NLGN1: variants seen among roughly 807,000 people sequenced by gnomAD.
NLGN1 encodes the protein neuroligin-1.
Under a neutral mutation model 65.5 loss-of-function variants are expected in NLGN1, and 12 were observed. The ratio of observed to expected loss-of-function variants is 0.18; its 90% CI spans 0.12 to 0.30. NLGN1 has a LOEUF of 0.30. Among genes scored for constraint, NLGN1 ranks in the 10% least tolerant of loss-of-function variants. NLGN1 has a pLI of 1.00. For missense variants in NLGN1, 750 were observed against 1,007.1 expected (o/e 0.74, Z 3.46); for synonymous variants, 350 against 359.5 (o/e 0.97, Z 0.30).
At chr3:174,273,490 A>G (rs1170358727) in intron 4 of NLGN1, among the ~76,000 whole-genome samples, 1 of 151,740 alleles carries the variant, frequency 6.6e-6, no homozygotes, top group Non-Finnish European at 1.5e-5. Context: ...GATAGCAAAT[A>G]GAGTTAAAAG....
At chr3:173,905,579 A>C (rs972141710) in intron 4 of NLGN1, among the ~76,000 whole-genome samples, 1 of 152,154 alleles carries the variant, frequency 6.6e-6, no homozygotes, top group African/African-American at 2.4e-5. Flanking sequence ...TTGAGCATAC[A>C]CTGGCCTGTT....
chr3:174,022,025 T>C (rs566160368), intron 4 of NLGN1, among the ~76,000 whole-genome samples: 1 of 152,230 alleles, frequency 6.6e-6, no homozygotes, highest in South Asian at 2.1e-4. Flanking sequence ...TTCTCCCTGC[T>C]CCAGGCTGTG....
At chr3:173,891,693 G>C (rs1272140161) in intron 4 of NLGN1, among the ~76,000 whole-genome samples, 1 of 152,094 alleles carries the variant, frequency 6.6e-6, no homozygotes, top group African/African-American at 2.4e-5. Flanking sequence ...GGATATGAGC[G>C]GCCACTGCTG....
intron 4 of NLGN1, among the ~76,000 whole-genome samples, chr3:173,906,666 C>A (rs1475972220): frequency 6.6e-6 from 1 of 151,860 alleles, no homozygotes; most frequent in African/African-American, 2.4e-5. Flanking sequence ...TATTTCTTTC[C>A]CTTCTGTGTC....
chr3:173,771,005 C>T (rs926976310), intron 3 of NLGN1, among the ~76,000 whole-genome samples: 1 of 152,166 alleles, frequency 6.6e-6, no homozygotes, highest in African/African-American at 2.4e-5. Context: ...CCTCAGCTGG[C>T]AGCGTTCTTT....
chr3:174,043,827 G>A (rs1560908970), intron 4 of NLGN1, among the ~76,000 whole-genome samples: 1 of 152,194 alleles, frequency 6.6e-6, no homozygotes, highest in Non-Finnish European at 1.5e-5. Context: ...TCCCCAGTGG[G>A]GACGCTGTGT....
At chr3:173,807,490 A>G (rs1480239316) in intron 3 of NLGN1, among the ~76,000 whole-genome samples, 190 bp from the exon 4 acceptor site, 1 of 152,174 alleles carries the variant, frequency 6.6e-6, no homozygotes, top group Non-Finnish European at 1.5e-5. Context: ...GATAGAAAAC[A>G]ATGGATGCCT....
At chr3:173,721,977 C>T (rs999778559) in intron 3 of NLGN1, among the ~76,000 whole-genome samples, 9 of 150,496 alleles carry the variant, frequency 6.0e-5, no homozygotes, top group Admixed American at 2.6e-4. Flanking sequence ...AACGGAGTTA[C>T]GTATTCAATT....
At chr3:173,904,807 T>A (rs1738065512) in intron 4 of NLGN1, among the ~76,000 whole-genome samples, 1 of 152,128 alleles carries the variant, frequency 6.6e-6, no homozygotes, top group South Asian at 2.1e-4. Context: ...TGACAGAAAA[T>A]GCCAACAGAT....
intron 4 of NLGN1, among the ~76,000 whole-genome samples, chr3:173,978,961 T>C (rs768868974): frequency 2.0e-5 from 3 of 151,428 alleles, no homozygotes; most frequent in Non-Finnish European, 4.4e-5. Flanking sequence ...GCCAAGATCA[T>C]GCTACCACAC....
intron 3 of NLGN1, among the ~76,000 whole-genome samples, chr3:173,764,239 G>T (rs1450547981): frequency 6.6e-6 from 1 of 152,104 alleles, no homozygotes; most frequent in East Asian, 1.9e-4. Flanking sequence ...CTGGAATGTG[G>T]TCTCCAGGAA....
At chr3:173,536,508 T>C (rs536138791) in intron 2 of NLGN1, among the ~76,000 whole-genome samples, 1 of 152,342 alleles carries the variant, frequency 6.6e-6, no homozygotes, top group East Asian at 1.9e-4. Context: ...ACTATCTAAA[T>C]TGGAGTATCT....
chr3:174,284,904 A>G (rs1018279158), exon 7 of NLGN1: 1 of 151,364 alleles, frequency 6.6e-6, no homozygotes, highest in Non-Finnish European at 1.5e-5. Context: ...CCTGATCTGT[A>G]TGTGAAAACA....
chr3:173,947,164 C>G (rs992894303), intron 4 of NLGN1, among the ~76,000 whole-genome samples: 1 of 147,712 alleles, frequency 6.8e-6, no homozygotes, highest in African/African-American at 2.5e-5. Flanking sequence ...CGGGTTCAAA[C>G]GATTCTTGCC....
At chr3:174,025,444 T>C (rs943699058) in intron 4 of NLGN1, among the ~76,000 whole-genome samples, 10 of 152,140 alleles carry the variant, frequency 6.6e-5, no homozygotes, top group African/African-American at 1.4e-4. Context: ...AGAAGATATA[T>C]TCAACATCTA....
chr3:173,677,584 C>G (rs116079751), intron 3 of NLGN1, among the ~76,000 whole-genome samples: 85 of 152,128 alleles, frequency 5.6e-4, no homozygotes, highest in African/African-American at 2.0e-3. Context: ...TGTGCAAAGA[C>G]TACCATATAG....
intron 3 of NLGN1, among the ~76,000 whole-genome samples, chr3:173,658,823 A>G (rs1760477876): frequency 6.6e-6 from 1 of 152,034 alleles, no homozygotes. Flanking sequence ...ATATCTTTGC[A>G]TGTTCTATAA....
chr3:173,639,105 G>A (rs1248548154), intron 3 of NLGN1, among the ~76,000 whole-genome samples: 4 of 152,164 alleles, frequency 2.6e-5, no homozygotes, highest in Non-Finnish European at 4.4e-5. Context: ...TGCTTCACTT[G>A]TTAGAATTTT....
chr3:173,896,304 A>C (rs559509417), intron 4 of NLGN1, among the ~76,000 whole-genome samples: 6 of 152,190 alleles, frequency 3.9e-5, no homozygotes, highest in Non-Finnish European at 8.8e-5. Flanking sequence ...CCCATCATAC[A>C]TAGGACCAAA....
Sources: gnomAD v4.1 joint callset for allele counts (sites outside exome capture counted in the v4.1 genomes callset) on GRCh38, gnomAD v4.1.1 for gene constraint, MANE v1.5 for transcripts, NCBI Gene and HGNC (gene_info 2026-07-23, HGNC 2026-07-21) for gene names.